DNAH7: variants seen among roughly 807,000 people sequenced by gnomAD.
DNAH7 encodes the protein axonemal beta dynein heavy chain 7.
DNAH7 carries 397 observed loss-of-function variants against 444.6 expected under a neutral mutation model. The observed-to-expected ratio is 0.89, with a 90% CI of 0.82 to 0.97. The LOEUF is 0.97. Among genes scored for constraint, DNAH7 ranks in the 50% least tolerant of loss-of-function variants. The pLI is 0.00. For synonymous variants in DNAH7, 1,636 were observed against 1,624.4 expected (o/e 1.01, Z -0.17); for missense variants, 4,902 against 4,800.8 (o/e 1.02, Z -0.62).
intron 48 of DNAH7, among the ~76,000 whole-genome samples, chr2:195,826,696 T>C (rs377297193): frequency 3.3e-5 from 5 of 152,364 alleles, no homozygotes; most frequent in African/African-American, 1.2e-4. Flanking sequence ...TTGTAGGATA[T>C]ATTATTTACA....
chr2:196,066,179 A>C (rs1278457334), intron 1 of DNAH7, among the ~76,000 whole-genome samples: 1 of 152,266 alleles, frequency 6.6e-6, no homozygotes, highest in Non-Finnish European at 1.5e-5. Flanking sequence ...CCCAAGTATT[A>C]ACCCTCCTGA....
At chr2:195,831,926 T>A (rs761169688) in intron 48 of DNAH7, among the ~76,000 whole-genome samples, 2 of 152,226 alleles carry the variant, frequency 1.3e-5, no homozygotes, top group Non-Finnish European at 2.9e-5. Flanking sequence ...CATTCTCTAA[T>A]ACCTCACTTA....
At chr2:195,776,669 G>A (rs989525827) in intron 59 of DNAH7, among the ~76,000 whole-genome samples, 1 of 151,806 alleles carries the variant, frequency 6.6e-6, no homozygotes, top group African/African-American at 2.4e-5. Context: ...TACTCTTACT[G>A]TAAAAAATTC....
intron 58 of DNAH7, among the ~76,000 whole-genome samples, chr2:195,786,059 G>C (rs1001985503): frequency 1.3e-5 from 2 of 152,096 alleles, no homozygotes; most frequent in African/African-American, 2.4e-5. Context: ...ATAAGAATTT[G>C]TCTGATGAAA....
intron 24 of DNAH7, among the ~76,000 whole-genome samples, chr2:195,917,648 T>C (rs189822357): frequency 9.5e-4 from 144 of 152,322 alleles, no homozygotes; most frequent in African/African-American, 3.1e-3. Context: ...CAAATTCTTT[T>C]CTTCTGAGGA....
At chr2:195,954,604 C>CT (rs1436832834) in intron 19 of DNAH7, among the ~76,000 whole-genome samples, 4 of 152,238 alleles carry the variant, frequency 2.6e-5, no homozygotes, top group African/African-American at 9.6e-5. Flanking sequence ...AATCACCACA[C>CT]TGTCTTCCAC....
Position 195,876,557 on chromosome 2 carries a change from A to G in DNAH7, c.6104T>C (p.Leu2035Ser). Residue 2035 changes from leucine to serine, a missense_variant, in exon 37 of 65, where the codon TTG becomes TCG. Coordinates refer to ENST00000312428, the MANE Select transcript of DNAH7 (RefSeq NM_018897.3). The stretch of plus-strand genomic sequence containing the variant: ...AAGAGTCATTACCATTCTCTTGCCC[A>G]AAGGAGGACCAAAAACTCCCTTTCT... ...KRRKGVFGPPLGKRMVVFVDD... is the reference protein window; with the variant it reads ...KRRKGVFGPPSGKRMVVFVDD... 1 of 1,613,864 alleles carries G rather than the reference A, an allele frequency of 6.2e-7. No homozygotes were observed. Among genetic ancestry groups the G allele is most frequent in the East Asian group, 2.2e-5 (1 of 44,852 alleles).
At chr2:196,004,516 C>T (rs1694240282) in intron 10 of DNAH7, among the ~76,000 whole-genome samples, 1 of 152,084 alleles carries the variant, frequency 6.6e-6, no homozygotes, top group Non-Finnish European at 1.5e-5. Context: ...TCTAAATGGC[C>T]TATGACTCAA....
At chr2:195,926,803 T>C (rs1688364271) in intron 21 of DNAH7, among the ~76,000 whole-genome samples, 1 of 152,120 alleles carries the variant, frequency 6.6e-6, no homozygotes, top group South Asian at 2.1e-4. Context: ...ACTATCAATT[T>C]GTGTGAACCA....
chr2:195,906,453 C>CTTTTTTTTT (rs397870111), intron 27 of DNAH7, among the ~76,000 whole-genome samples: 1 of 114,716 alleles, frequency 8.7e-6, no homozygotes, highest in Non-Finnish European at 1.8e-5. Flanking sequence ...TTCTTTCTTT[C>CTTTTTTTTT]TTTTTTTTTT....
chr2:195,915,495 G>A (rs888455939), intron 24 of DNAH7, among the ~76,000 whole-genome samples: 1 of 152,118 alleles, frequency 6.6e-6, no homozygotes, highest in African/African-American at 2.4e-5. Flanking sequence ...AAATTGGGAA[G>A]ATATTAAAGT....
chr2:196,040,816 G>GA (rs1355736151), intron 5 of DNAH7, among the ~76,000 whole-genome samples: 4 of 150,658 alleles, frequency 2.7e-5, no homozygotes, highest in Non-Finnish European at 4.4e-5. Context: ...TATTTAGAAA[G>GA]AAAAAAAAGG....
At chr2:195,992,450 C>T (rs1228256997) in intron 12 of DNAH7, among the ~76,000 whole-genome samples, 2 of 152,236 alleles carry the variant, frequency 1.3e-5, no homozygotes, top group African/African-American at 2.4e-5. Flanking sequence ...CTTGACCCCA[C>T]AACCACTTTG....
At chr2:195,966,475 A>G (rs1359292031) in intron 17 of DNAH7, among the ~76,000 whole-genome samples, 3 of 152,220 alleles carry the variant, frequency 2.0e-5, no homozygotes, top group South Asian at 4.1e-4. Flanking sequence ...TTTGGTCTAC[A>G]GCATAGATTA....
intron 24 of DNAH7, among the ~76,000 whole-genome samples, chr2:195,921,653 C>T (rs939186290): frequency 6.6e-6 from 1 of 151,834 alleles, no homozygotes; most frequent in Admixed American, 6.6e-5. Flanking sequence ...GGACATTGCT[C>T]AGGTGATGGG....
intron 9 of DNAH7, among the ~76,000 whole-genome samples, chr2:196,016,062 A>G (rs1256136774): frequency 1.3e-5 from 2 of 152,070 alleles, no homozygotes; most frequent in Admixed American, 1.3e-4. Context: ...GGACACATAC[A>G]CTTTCTATTG....
chr2:195,913,617 C>G (rs1465594432), intron 24 of DNAH7, among the ~76,000 whole-genome samples: 1 of 152,174 alleles, frequency 6.6e-6, no homozygotes, highest in East Asian at 1.9e-4. Context: ...GAATACAGAG[C>G]CAGCCCCTCT....
chr2:196,031,865 T>A (rs1299898168), intron 5 of DNAH7, among the ~76,000 whole-genome samples: 1 of 152,190 alleles, frequency 6.6e-6, no homozygotes, highest in Non-Finnish European at 1.5e-5. Flanking sequence ...CATTTTCCTA[T>A]CTTTTTCTGA....
chr2:196,056,287 A>C (rs951586189), intron 2 of DNAH7, among the ~76,000 whole-genome samples: 2 of 152,096 alleles, frequency 1.3e-5, no homozygotes, highest in Admixed American at 1.3e-4. Context: ...TCTACTAAAA[A>C]TACAAAAATT....
Sources: allele counts gnomAD v4.1 joint callset (sites outside exome capture counted in the v4.1 genomes callset), GRCh38; gene constraint gnomAD v4.1.1; transcripts MANE v1.5; gene names NCBI Gene and HGNC (gene_info 2026-07-23, HGNC 2026-07-21).